MPHOSPH9: variants seen among roughly 807,000 people sequenced by gnomAD.
MPHOSPH9 encodes M-phase phosphoprotein 9.
A neutral mutation model predicts 145.5 loss-of-function variants in MPHOSPH9; 88 were observed. The observed-to-expected ratio is 0.60, with a 90% CI of 0.51 to 0.72. The LOEUF (loss-of-function observed/expected upper bound fraction) is 0.72. Ranked by LOEUF, MPHOSPH9 falls within the 30% of genes least tolerant of loss-of-function variation. MPHOSPH9 has a pLI of 0.00. For synonymous variants in MPHOSPH9, 435 were observed against 486.2 expected (o/e 0.89, Z 1.39); for missense variants, 1,238 against 1,386.6 (o/e 0.89, Z 1.70).
intron 15 of MPHOSPH9, 49 bp downstream of exon 15, chr12:123,179,877 T>A (rs1384770526): frequency 3.9e-6 from 4 of 1,038,710 alleles, no homozygotes; most frequent in Non-Finnish European, 5.6e-6. Context: ...TACAGACACA[T>A]AAAAGAACAA....
chr12:123,206,947 ACT>A (rs772777546), intron 8 of MPHOSPH9, among the ~76,000 whole-genome samples: 2 of 150,322 alleles, frequency 1.3e-5, no homozygotes, highest in Non-Finnish European at 3.0e-5. Context: ...AGGCACAGTG[ACT>A]CACAGCTGTA....
At chr12:123,238,350 C>T (rs984045566) in intron 1 of MPHOSPH9, among the ~76,000 whole-genome samples, 2 of 152,128 alleles carry the variant, frequency 1.3e-5, no homozygotes, top group African/African-American at 4.8e-5. Context: ...TTGTTTGGCC[C>T]TTAACTGTTT....
chr12:123,187,035 G>A (rs1464118639), intron 13 of MPHOSPH9, among the ~76,000 whole-genome samples: 1 of 152,154 alleles, frequency 6.6e-6, no homozygotes, highest in Non-Finnish European at 1.5e-5. Context: ...GAGGCGGGCA[G>A]ATCACCTGAG....
At chr12:123,179,904 T>A (rs1460615682) in intron 15 of MPHOSPH9, 22 bp downstream of exon 15, 2 of 1,263,986 alleles carry the variant, frequency 1.6e-6, no homozygotes, top group Non-Finnish European at 2.2e-6. Context: ...TATGTGTACA[T>A]TAGTAAGTTA....
At chr12:123,225,443 CA>C (rs56225104) in intron 3 of MPHOSPH9, among the ~76,000 whole-genome samples, 2,390 of 102,084 alleles carry the variant, frequency 0.023, 26 homozygotes, top group Non-Finnish European at 0.034. Context: ...GACCCTATTT[CA>C]AAAAAAAAAA....
chr12:123,205,503 A>G (rs552249112), intron 8 of MPHOSPH9, among the ~76,000 whole-genome samples: 2 of 152,158 alleles, frequency 1.3e-5, no homozygotes, highest in East Asian at 3.9e-4. Context: ...CTGAGATCGC[A>G]CCACTGCATT....
At chr12:123,188,632 G>A (rs2045551952) in intron 13 of MPHOSPH9, among the ~76,000 whole-genome samples, 1 of 152,152 alleles carries the variant, frequency 6.6e-6, no homozygotes, top group Non-Finnish European at 1.5e-5. Context: ...CGGATCACCT[G>A]AGGTCAGGAG....
intron 6 of MPHOSPH9, among the ~76,000 whole-genome samples, chr12:123,217,869 C>A (rs923940967): frequency 1.3e-5 from 2 of 152,010 alleles, no homozygotes; most frequent in South Asian, 4.1e-4. Context: ...CATGGTGAAA[C>A]CCTGTCTCTA....
intron 1 of MPHOSPH9, among the ~76,000 whole-genome samples, chr12:123,238,806 G>A (rs1249742774): frequency 2.6e-5 from 4 of 152,150 alleles, no homozygotes; most frequent in African/African-American, 9.6e-5. Flanking sequence ...CATCCTCCAC[G>A]TGGTGCTTTT....
chr12:123,211,987 G>A (rs1039351069), intron 7 of MPHOSPH9, among the ~76,000 whole-genome samples: 2 of 152,102 alleles, frequency 1.3e-5, no homozygotes, highest in African/African-American at 4.8e-5. Context: ...GAGCCACCAC[G>A]CCCAGCTGAC....
intron 16 of MPHOSPH9, 45 bp from the exon 17 acceptor site, chr12:123,166,834 A>AT (rs758656412): frequency 6.3e-7 from 1 of 1,585,750 alleles, no homozygotes; most frequent in South Asian, 1.1e-5. Context: ...TCTGCACTTC[A>AT]TTTCAGACTG....
chr12:123,238,920 T>G (rs2047890489), intron 1 of MPHOSPH9, among the ~76,000 whole-genome samples: 1 of 152,146 alleles, frequency 6.6e-6, no homozygotes, highest in African/African-American at 2.4e-5. Flanking sequence ...TCTGTAAGTA[T>G]GACCATAACC....
chr12:123,184,434 C>T (rs2045343740), intron 13 of MPHOSPH9, among the ~76,000 whole-genome samples: 1 of 152,020 alleles, frequency 6.6e-6, no homozygotes, highest in Admixed American at 6.6e-5. Context: ...CTACCAGGAA[C>T]TAAGTCCCAT....
At chr12:123,190,292 A>G (rs772088182) in intron 13 of MPHOSPH9, among the ~76,000 whole-genome samples, 2 of 151,748 alleles carry the variant, frequency 1.3e-5, no homozygotes, top group Non-Finnish European at 2.9e-5. Context: ...AGCTGGGACT[A>G]CAGGCGCCCA....
At chr12:123,223,608 C>T (rs971017239) in intron 3 of MPHOSPH9, among the ~76,000 whole-genome samples, 3 of 152,216 alleles carry the variant, frequency 2.0e-5, no homozygotes, top group African/African-American at 7.2e-5. Flanking sequence ...CCCATCACCT[C>T]GCGAGCTCTT....
intron 16 of MPHOSPH9, among the ~76,000 whole-genome samples, chr12:123,173,535 G>C (rs999883708): frequency 3.3e-5 from 5 of 152,176 alleles, no homozygotes; most frequent in African/African-American, 7.2e-5. Flanking sequence ...AGAAGGATCT[G>C]AACAGAAAGG....
At chr12:123,170,270 G>A (rs1447374577) in intron 16 of MPHOSPH9, among the ~76,000 whole-genome samples, 1 of 152,020 alleles carries the variant, frequency 6.6e-6, no homozygotes, top group Non-Finnish European at 1.5e-5. Flanking sequence ...AGCCCTGTGA[G>A]TAGCTGGGAT....
exon 1 of MPHOSPH9, chr12:123,243,891 C>G (rs1174782997): frequency 6.6e-6 from 1 of 152,206 alleles, no homozygotes; most frequent in African/African-American, 2.4e-5. Flanking sequence ...CATCCTGCTT[C>G]CTCCTCAGTG....
At chr12:123,163,473 A>G (rs980465654) in intron 19 of MPHOSPH9, 2 of 221,818 alleles carry the variant, frequency 9.0e-6, no homozygotes, top group Middle Eastern at 1.6e-3. Context: ...AGCTGGTGTG[A>G]AAACGGAAAT....
Sources: gnomAD v4.1 joint callset for allele counts (sites outside exome capture counted in the v4.1 genomes callset) on GRCh38, gnomAD v4.1.1 for gene constraint, MANE v1.5 for transcripts, NCBI Gene and HGNC (gene_info 2026-07-23, HGNC 2026-07-21) for gene names.